The following ITPR2 variants were observed in gnomAD, a reference collection of about 807,000 sequenced individuals.
ITPR2 encodes inositol 1,4,5-trisphosphate receptor type 2.
ITPR2 carries 207 observed loss-of-function variants against 317.1 expected under a neutral mutation model. The ratio of observed to expected loss-of-function variants is 0.65; its 90% CI spans 0.58 to 0.73. ITPR2 has a LOEUF of 0.73. Among genes scored for constraint, ITPR2 ranks in the 30% least tolerant of loss-of-function variants. The probability of loss-of-function intolerance (pLI) is 0.00; values close to 1 mark genes in which losing one functional copy is unlikely to be tolerated. For synonymous variants in ITPR2, 1,156 were observed against 1,149.1 expected (o/e 1.01, Z -0.12); for missense variants, 2,613 against 3,284.0 (o/e 0.80, Z 4.99).
At chr12:26,411,094 TA>T in intron 52 of ITPR2, 1 of 474,760 alleles carries the variant, frequency 2.1e-6, no homozygotes, top group South Asian at 2.4e-5. Flanking sequence ...GTAAATGTGC[TA>T]AATCCTCCTG....
chr12:26,547,421 G>A (rs968707075), intron 37 of ITPR2, among the ~76,000 whole-genome samples: 1 of 152,242 alleles, frequency 6.6e-6, no homozygotes, highest in Non-Finnish European at 1.5e-5. Flanking sequence ...TGATGAGGAT[G>A]TGGAGAAAAG....
intron 13 of ITPR2, among the ~76,000 whole-genome samples, chr12:26,669,120 CA>C (rs962276279): frequency 1.3e-4 from 19 of 143,648 alleles, no homozygotes; most frequent in Admixed American, 2.1e-4. Flanking sequence ...GATCCTGTCT[CA>C]AAAAAAAAAT....
intron 2 of ITPR2, among the ~76,000 whole-genome samples, chr12:26,783,364 T>C (rs1438986271): frequency 6.6e-6 from 1 of 152,142 alleles, no homozygotes. Flanking sequence ...AAATACCTAA[T>C]CAACCAAGAG....
intron 1 of ITPR2, among the ~76,000 whole-genome samples, chr12:26,816,716 GCTAT>G (rs1950861196): frequency 6.6e-6 from 1 of 152,096 alleles, no homozygotes; most frequent in African/African-American, 2.4e-5. Context: ...AGAATATGGT[GCTAT>G]CTGAGTATAT....
chr12:26,355,786 A>G (rs1938620604), intron 55 of ITPR2, among the ~76,000 whole-genome samples: 1 of 152,168 alleles, frequency 6.6e-6, no homozygotes, highest in Non-Finnish European at 1.5e-5. Flanking sequence ...CTTTCCAAAA[A>G]TCCACTGCCA....
intron 2 of ITPR2, among the ~76,000 whole-genome samples, chr12:26,746,624 T>C (rs185658842): frequency 2.1e-4 from 32 of 152,320 alleles, no homozygotes; most frequent in South Asian, 8.3e-4. Flanking sequence ...AGTGTAGTAG[T>C]GCTGTTATCT....
chr12:26,770,617 C>T (rs571719724), intron 2 of ITPR2, among the ~76,000 whole-genome samples: 1 of 152,334 alleles, frequency 6.6e-6, no homozygotes, highest in Admixed American at 6.5e-5. Context: ...TGTGCCTCAA[C>T]TTCCTCATCT....
intron 29 of ITPR2, 125 bp downstream of exon 29, chr12:26,599,862 A>G (rs1258058652): frequency 1.3e-5 from 9 of 696,394 alleles, no homozygotes; most frequent in Admixed American, 2.6e-5. Flanking sequence ...ACTTCTGGAG[A>G]GAGAATTTCC....
chr12:26,439,868 A>AC (rs1941443926), intron 46 of ITPR2, among the ~76,000 whole-genome samples: 1 of 152,128 alleles, frequency 6.6e-6, no homozygotes, highest in South Asian at 2.1e-4. Context: ...GTAAACATAT[A>AC]CCCACATTTA....
In ITPR2 at chr12:26,483,757, C is replaced by T; in HGVS notation, c.5953G>A (p.Val1985Ile). The change falls in exon 42 of 57, where the codon GTC (valine) becomes ATC (isoleucine). Residue 1985 changes from valine (V) to isoleucine (I), a missense_variant. Around this residue, in one of 9 missense-constraint regions of ITPR2, gnomAD observed 926 missense variants for 1,072.8 expected, o/e 0.86. Coordinates refer to ENST00000381340, the MANE Select transcript of ITPR2 (RefSeq NM_002223.4). ...GTCAAGCTCTCCAGGTTCTGGTTGA[C>T]CAGCGCTACATTCTTCTCATTGATG... The part of the protein sequence containing the change: ...LYINEKNVAL[V>I]NQNLESLTEY... The T allele has an allele frequency of 3.7e-6, 6 of 1,614,196 alleles. No individual in the cohort carries two copies. The highest frequency in any genetic ancestry group is 5.1e-6 in the Non-Finnish European group (6 of 1,180,008).
intron 45 of ITPR2, among the ~76,000 whole-genome samples, chr12:26,444,333 T>C (rs1941557822): frequency 6.6e-6 from 1 of 152,176 alleles, no homozygotes; most frequent in South Asian, 2.1e-4. Context: ...TGCCTTCAGA[T>C]GTCTCTTTTA....
intron 37 of ITPR2, among the ~76,000 whole-genome samples, chr12:26,506,988 A>G (rs976158943): frequency 3.9e-5 from 6 of 152,232 alleles, no homozygotes; most frequent in African/African-American, 1.4e-4. Context: ...TTTCCTCATG[A>G]AATAAATCAT....
At position 26,786,449 on chromosome 12, in the gene ITPR2, T is replaced by TAAAAAAAAAA. The variant is rs59014121; in HGVS notation, c.163+3698_163+3707dup. Reference sequence around the variant, plus strand: ...GCGAGAAACACCCAAGAATGATCAATAAAAAAAAAAAAAAAAAAAAATGGA... The same window carrying TAAAAAAAAAA: ...GCGAGAAACACCCAAGAATGATCAATAAAAAAAAAAAAAAAAAAAAAAAAAAAAAAATGGA... On this transcript the variant is annotated intron_variant, in intron 2 of 56. Transcript: ENST00000381340. Among the ~76,000 whole-genome samples, 393 of 119,134 alleles carry TAAAAAAAAAA rather than the reference T, an allele frequency of 3.3e-3. 6 individuals carry two copies. Among genetic ancestry groups the TAAAAAAAAAA allele is most frequent in the African/African-American group, 0.013 (358 of 26,734 alleles). 78.2% of individuals were successfully genotyped at this position (119,134 alleles called of 152,430 possible). A position where few individuals can be genotyped will look rare whatever the true frequency, so the allele number is the denominator to read the frequency against.
intron 37 of ITPR2, among the ~76,000 whole-genome samples, chr12:26,529,446 G>C (rs1943896309): frequency 6.6e-6 from 1 of 152,128 alleles, no homozygotes; most frequent in South Asian, 2.1e-4. Flanking sequence ...TGGCTGCATG[G>C]CCTTCCTCAG....
intron 1 of ITPR2, among the ~76,000 whole-genome samples, chr12:26,791,374 TA>T (rs5797201): frequency 0.17 from 24,842 of 145,916 alleles, 2,679 homozygotes; most frequent in Non-Finnish European, 0.25. Context: ...CCTTGTGGTT[TA>T]AAAAAAAAAA....
At chr12:26,379,268 T>C (rs760402534) in intron 55 of ITPR2, among the ~76,000 whole-genome samples, 2 of 152,182 alleles carry the variant, frequency 1.3e-5, no homozygotes, top group African/African-American at 4.8e-5. Flanking sequence ...AAGGAGATCA[T>C]GCATGTAAAG....
At chr12:26,383,495 T>C (rs1002439031) in intron 55 of ITPR2, among the ~76,000 whole-genome samples, 1 of 149,176 alleles carries the variant, frequency 6.7e-6, no homozygotes, top group Non-Finnish European at 1.5e-5. Flanking sequence ...TGTTTGTTTG[T>C]TTTTTTGAGA....
chr12:26,497,355 C>T (rs1397765829), intron 37 of ITPR2, among the ~76,000 whole-genome samples: 1 of 151,958 alleles, frequency 6.6e-6, no homozygotes, highest in Non-Finnish European at 1.5e-5. Flanking sequence ...GTGGTTTCAC[C>T]GTGTTGGCCA....
intron 2 of ITPR2, among the ~76,000 whole-genome samples, chr12:26,757,492 A>T (rs148651816): frequency 1.4e-4 from 22 of 152,322 alleles, no homozygotes; most frequent in Non-Finnish European, 2.5e-4. Flanking sequence ...CTAGGATTAC[A>T]GGCATGAGCC....
Sources: allele counts gnomAD v4.1 joint callset (sites outside exome capture counted in the v4.1 genomes callset), GRCh38; gene constraint gnomAD v4.1.1; regional missense constraint gnomAD v4.1.1; transcripts MANE v1.5; gene names NCBI Gene and HGNC (gene_info 2026-07-23, HGNC 2026-07-21).